LDLRAD3: variants seen among roughly 807,000 people sequenced by gnomAD.
The protein encoded by LDLRAD3 is low-density lipoprotein receptor class A domain-containing protein 3.
A neutral mutation model predicts 29.4 loss-of-function variants in LDLRAD3; 20 were observed. The ratio of observed to expected loss-of-function variants is 0.68; its 90% confidence interval spans 0.48 to 0.99. LDLRAD3 has a LOEUF of 0.99. Ranked by LOEUF, LDLRAD3 falls within the 50% of genes least tolerant of loss-of-function variation. The pLI, the probability that LDLRAD3 is intolerant of heterozygous loss-of-function variation, is 0.00. For synonymous variants in LDLRAD3, 157 were observed against 192.7 expected (o/e 0.81, Z 1.53); for missense variants, 420 against 454.3 (o/e 0.92, Z 0.69).
chr11:36,144,148 C>T (rs1565255264), intron 4 of LDLRAD3, among the ~76,000 whole-genome samples: 2 of 151,994 alleles, frequency 1.3e-5, no homozygotes. Context: ...CTGGGCTGGT[C>T]TCCAGCTCCT....
intron 4 of LDLRAD3, among the ~76,000 whole-genome samples, chr11:36,192,929 A>G (rs1854977270): frequency 6.6e-6 from 1 of 152,158 alleles, no homozygotes; most frequent in Non-Finnish European, 1.5e-5. Flanking sequence ...CTTGCTACTT[A>G]CTAGCTGGGT....
intron 1 of LDLRAD3, among the ~76,000 whole-genome samples, chr11:35,984,195 A>G (rs1851579641): frequency 6.6e-6 from 1 of 152,202 alleles, no homozygotes; most frequent in Non-Finnish European, 1.5e-5. Flanking sequence ...AAACATCTTC[A>G]GCCTCATGTG....
At chr11:36,091,465 G>C (rs1430208008) in intron 3 of LDLRAD3, among the ~76,000 whole-genome samples, 1 of 152,024 alleles carries the variant, frequency 6.6e-6, no homozygotes, top group Non-Finnish European at 1.5e-5. Flanking sequence ...ACCACTAAGC[G>C]GTTCCCTTCA....
intron 2 of LDLRAD3, among the ~76,000 whole-genome samples, chr11:36,054,130 T>TC (rs1017054019): frequency 2.6e-5 from 4 of 152,080 alleles, no homozygotes; most frequent in African/African-American, 7.2e-5. Flanking sequence ...GTGCCAGGTT[T>TC]CCCCCCCATT....
chr11:36,166,960 C>T (rs958238060), intron 4 of LDLRAD3, among the ~76,000 whole-genome samples: 1 of 152,162 alleles, frequency 6.6e-6, no homozygotes, highest in African/African-American at 2.4e-5. Context: ...CACCCAGCAC[C>T]TGTGTATGTG....
At chr11:35,984,978 G>GC (rs1312042347) in intron 1 of LDLRAD3, among the ~76,000 whole-genome samples, 1 of 145,108 alleles carries the variant, frequency 6.9e-6, no homozygotes, top group Non-Finnish European at 1.5e-5. Context: ...CCCACTATGT[G>GC]CAGTGGCATG....
At chr11:36,057,593 G>A (rs748993816) in intron 2 of LDLRAD3, among the ~76,000 whole-genome samples, 1 of 152,128 alleles carries the variant, frequency 6.6e-6, no homozygotes. Flanking sequence ...GCCTTGAAGC[G>A]GTACTGGACA....
At chr11:36,070,163 A>G (rs1852873749) in intron 2 of LDLRAD3, among the ~76,000 whole-genome samples, 1 of 152,224 alleles carries the variant, frequency 6.6e-6, no homozygotes, top group Non-Finnish European at 1.5e-5. Context: ...TCAGCACCAG[A>G]CAGGTAATAG....
intron 1 of LDLRAD3, among the ~76,000 whole-genome samples, chr11:35,990,736 G>A (rs1851679156): frequency 6.6e-6 from 1 of 152,084 alleles, no homozygotes; most frequent in Admixed American, 6.6e-5. Context: ...TCTTCACATG[G>A]TATTCTTCCC....
At chr11:35,994,946 T>C (rs1851735429) in intron 1 of LDLRAD3, among the ~76,000 whole-genome samples, 1 of 152,234 alleles carries the variant, frequency 6.6e-6, no homozygotes, top group African/African-American at 2.4e-5. Flanking sequence ...CTAGTTCTTT[T>C]GCTCTTTCCA....
intron 3 of LDLRAD3, among the ~76,000 whole-genome samples, chr11:36,094,192 C>T (rs961560131): frequency 7.9e-5 from 12 of 152,350 alleles, no homozygotes; most frequent in East Asian, 3.9e-4. Context: ...GCTTTCCTCC[C>T]TCACTATTGT....
At chr11:36,004,437 A>T (rs1851860028) in intron 1 of LDLRAD3, among the ~76,000 whole-genome samples, 2 of 152,214 alleles carry the variant, frequency 1.3e-5, no homozygotes, top group South Asian at 4.1e-4. Context: ...GGGCACACCG[A>T]TGCAAAAGGT....
At chr11:36,027,540 G>T (rs575187010) in intron 1 of LDLRAD3, among the ~76,000 whole-genome samples, 5 of 152,172 alleles carry the variant, frequency 3.3e-5, no homozygotes, top group Admixed American at 1.3e-4. Flanking sequence ...TCTTATTTAA[G>T]AATTTCTTCC....
intron 4 of LDLRAD3, among the ~76,000 whole-genome samples, chr11:36,116,904 C>T (rs1346287329): frequency 6.7e-6 from 1 of 150,028 alleles, no homozygotes; most frequent in African/African-American, 2.5e-5. Flanking sequence ...TTCAGTAGCG[C>T]AATCTTGGGT....
chr11:36,146,697 C>T (rs1319469230), intron 4 of LDLRAD3, among the ~76,000 whole-genome samples: 1 of 151,898 alleles, frequency 6.6e-6, no homozygotes, highest in East Asian at 1.9e-4. Flanking sequence ...TCCCTGCAAT[C>T]TCTGCTTCCG....
intron 4 of LDLRAD3, among the ~76,000 whole-genome samples, chr11:36,176,123 C>T (rs1449294206): frequency 2.0e-5 from 3 of 152,110 alleles, no homozygotes; most frequent in Non-Finnish European, 2.9e-5. Context: ...TACTCCTGCT[C>T]GCTTTTGTTG....
At chr11:36,075,293 C>T (rs1032967692) in intron 2 of LDLRAD3, among the ~76,000 whole-genome samples, 4 of 52,134 alleles carry the variant, frequency 7.7e-5, no homozygotes, top group Non-Finnish European at 9.5e-5. Context: ...CCTGTGACTT[C>T]ATTTCATATG....
chr11:36,001,792 T>C (rs924161610), intron 1 of LDLRAD3, among the ~76,000 whole-genome samples: 329 of 144,924 alleles, frequency 2.3e-3, no homozygotes, highest in African/African-American at 5.5e-3. Context: ...TGTGTGTGTG[T>C]GCACATAATT....
At chr11:36,128,316 T>G (rs1853872479) in intron 4 of LDLRAD3, among the ~76,000 whole-genome samples, 2 of 151,928 alleles carry the variant, frequency 1.3e-5, no homozygotes, top group East Asian at 3.9e-4. Flanking sequence ...CTGGAGAATA[T>G]TGGTCCATCT....
Sources: allele counts gnomAD v4.1 joint callset (sites outside exome capture counted in the v4.1 genomes callset), GRCh38; gene constraint gnomAD v4.1.1; transcripts MANE v1.5; gene names NCBI Gene and HGNC (gene_info 2026-07-23, HGNC 2026-07-21).